Variants in XRCC1 observed in about 807,000 individuals in gnomAD.
XRCC1 encodes the protein DNA repair protein XRCC1.
Under a neutral mutation model 83.3 loss-of-function variants are expected in XRCC1, and 52 were observed. The observed-to-expected ratio is 0.62, with a 90% confidence interval of 0.50 to 0.79. The LOEUF (loss-of-function observed/expected upper bound fraction) is 0.79. XRCC1 is among the 30% of genes least tolerant of loss of function. The probability of loss-of-function intolerance (pLI) is 0.00; values close to 1 mark genes in which losing one functional copy is unlikely to be tolerated. For synonymous variants in XRCC1, 281 were observed against 312.6 expected (o/e 0.90, Z 1.07); for missense variants, 793 against 823.5 (o/e 0.96, Z 0.45).
chr19:43,574,775 T>G, intron 2 of XRCC1, 135 bp downstream of exon 2: 1 of 693,402 alleles, frequency 1.4e-6, no homozygotes, highest in Admixed American at 2.2e-5. Context: ...GGGATTATGC[T>G]GCCCATTTTC....
Position 43,552,245 on chromosome 19 carries a change from G to T in XRCC1, c.854C>A (p.Ala285Asp). The change falls in exon 9 of 17, where the codon GCC (alanine) becomes GAC (aspartate). Residue 285 changes from alanine (A) to aspartate (D), a missense_variant. Physicochemically the swap from Ala to Asp is moderately radical, Grantham distance 126. Coordinates refer to ENST00000262887, the MANE Select transcript of XRCC1 (RefSeq NM_006297.3). ...LPAPTRTPATAPVPARAQGAV... is the reference protein window; with the variant it reads ...LPAPTRTPATDPVPARAQGAV... ...CCCCTGTGCTCGGGCAGGGACTGGG[G>T]CTGTGGCTGGGGTACGAGTTGGAGC... is the stretch of plus-strand genomic sequence containing the variant. 6.2e-7 allele frequency: 1 copy of T among 1,611,460 alleles called. No individual in the cohort carries two copies. The highest frequency in any genetic ancestry group is 8.5e-7 in the Non-Finnish European group (1 of 1,179,164).
intron 2 of XRCC1, among the ~76,000 whole-genome samples, chr19:43,568,944 C>A (rs867949232): frequency 5.3e-5 from 8 of 150,986 alleles, no homozygotes; most frequent in African/African-American, 1.5e-4. Flanking sequence ...TCCCTGTAAT[C>A]CCAGCTACTC....
At chr19:43,569,768 C>T (rs552702376) in intron 2 of XRCC1, among the ~76,000 whole-genome samples, 2 of 151,660 alleles carry the variant, frequency 1.3e-5, no homozygotes, top group South Asian at 2.1e-4. Context: ...AACAACAAGA[C>T]GAAACTCCGT....
In XRCC1 at chr19:43,543,359, TG is replaced by T. The variant is rs2146039467; in HGVS notation, c.*32del. ...AATGCATCGTGTGTGTGTGTGTGTG[TG>T]TGTGTGTGTGTGTGTGTGTATAGCA... On this transcript the variant is annotated 3_prime_UTR_variant, in exon 17 of 17. Coordinates refer to ENST00000262887, the MANE Select transcript of XRCC1 (RefSeq NM_006297.3). 1.5e-6 allele frequency: 2 copies of T among 1,366,500 alleles called. No individual in the cohort carries two copies. The highest frequency in any genetic ancestry group is 1.2e-5 in the South Asian group (1 of 85,552). The allele number at this position is 1,366,500 out of a possible 1,614,324, so 84.6% of individuals were successfully genotyped here.
At chr19:43,548,779 A>AAAAAAACAAAAAAAAAC (rs1972546438) in intron 10 of XRCC1, among the ~76,000 whole-genome samples, 1 of 141,638 alleles carries the variant, frequency 7.1e-6, no homozygotes. Context: ...AAAAAAAAAA[A>AAAAAAACAAAAAAAAAC]AAAAAAACAC....
chr19:43,546,219 C>A, intron 12 of XRCC1, 113 bp from the exon 13 acceptor site: 1 of 1,233,830 alleles, frequency 8.1e-7, no homozygotes, highest in African/African-American at 1.5e-5. Context: ...CAACTGCCCT[C>A]CAGATCCAGT....
chr19:43,571,087 G>C (rs1186114121), intron 2 of XRCC1, among the ~76,000 whole-genome samples: 1 of 150,252 alleles, frequency 6.7e-6, no homozygotes, highest in African/African-American at 2.5e-5. Flanking sequence ...CCTCTGCTCG[G>C]AGCCCTCCGG....
chr19:43,570,059 C>T (rs1472249323), intron 2 of XRCC1, among the ~76,000 whole-genome samples: 1 of 152,196 alleles, frequency 6.6e-6, no homozygotes, highest in Non-Finnish European at 1.5e-5. Flanking sequence ...CTGCAGTTTG[C>T]AAAGAGTCAC....
At position 43,566,893 on chromosome 19, in the gene XRCC1, A is replaced by AG. The variant is rs1250143979; in HGVS notation, c.145-5874_145-5873insC. Among the ~76,000 whole-genome samples the AG allele has an allele frequency of 4.0e-5, 6 of 151,890 alleles. No homozygotes were observed. The East Asian group carries it at 1.2e-3, about 29-fold the overall frequency. On this transcript the variant is annotated intron_variant, in intron 2 of 16. Transcript: ENST00000262887. ...GACTCAATCTCAAAAAAAAAAAAAA[A>AG]AAAAGGTTTATATATACATGGTAAC...
At chr19:43,569,571 T>A (rs1253689223) in intron 2 of XRCC1, among the ~76,000 whole-genome samples, 4 of 149,914 alleles carry the variant, frequency 2.7e-5, no homozygotes, top group African/African-American at 9.8e-5. Flanking sequence ...TCACTAGAGG[T>A]CAGGAGTTCG....
Position 43,548,779 on chromosome 19 carries a change from A to AAAAAAAAAAAAAAAAAAAAAAAAC in XRCC1, c.1200-1803_1200-1802insGTTTTTTTTTTTTTTTTTTTTTTT, listed in dbSNP as rs1213062759. Among the ~76,000 whole-genome samples the AAAAAAAAAAAAAAAAAAAAAAAAC allele has an allele frequency of 8.6e-4, 122 of 141,616 alleles. 2 individuals are homozygous for AAAAAAAAAAAAAAAAAAAAAAAAC. The highest frequency in any genetic ancestry group is 2.2e-3 in the East Asian group (10 of 4,564). The allele number at this position is 141,616 out of a possible 152,430, so 92.9% of individuals were successfully genotyped here. On this transcript the variant is annotated intron_variant, in intron 10 of 16. Transcript: ENST00000262887. ...CCCAAGAATGATCAAAAAAAAAAAA[A>AAAAAAAAAAAAAAAAAAAAAAAAC]AAAAAAACACAACAGTAGCAGGTTG...
chr19:43,560,705 A>C (rs570155962), intron 3 of XRCC1, among the ~76,000 whole-genome samples: 1 of 152,236 alleles, frequency 6.6e-6, no homozygotes, highest in East Asian at 1.9e-4. Context: ...CCATGATCCA[A>C]ACTTGCTCTC....
intron 3 of XRCC1, 142 bp downstream of exon 3, chr19:43,560,768 A>G (rs1972689951): frequency 1.4e-6 from 1 of 696,976 alleles, no homozygotes; most frequent in African/African-American, 1.7e-5. Context: ...TCCTCCGTAC[A>G]CTGGGTGATC....
At chr19:43,545,727 C>A in intron 14 of XRCC1, 91 bp downstream of exon 14, 1 of 1,532,320 alleles carries the variant, frequency 6.5e-7, no homozygotes, top group Non-Finnish European at 8.9e-7. Flanking sequence ...GACACGGGGG[C>A]AGCAGTGACC....
chr19:43,546,729 T>C lies in XRCC1; in HGVS notation c.1294-2A>G, dbSNP rs1972514664. ...GGGCTTGGTTTTGGTCTGGGGTTGC[T>C]AAGGAGGGAGAGTGGGTGGGTGAGG... On this transcript the variant is annotated splice_acceptor_variant, in intron 11 of 16. Transcript: ENST00000262887. LOFTEE classifies it high-confidence loss of function. The C allele has an allele frequency of 3.1e-6, 5 of 1,606,360 alleles. No homozygotes were observed. In the South Asian group the frequency reaches 5.5e-5, roughly 18 times the overall value.
chr19:43,567,931 G>A (rs944782525), intron 2 of XRCC1, among the ~76,000 whole-genome samples: 3 of 148,448 alleles, frequency 2.0e-5, no homozygotes, highest in African/African-American at 5.0e-5. Context: ...CTAGAGTACA[G>A]TGGCACGATC....
In XRCC1 at chr19:43,551,593, G is replaced by T. The variant is rs375801765; in HGVS notation, c.1177C>A (p.Arg393Ser). ...TACCTCTGGGAGGGCAGCCGCCGACGCATGCGGTGACAGTCCAGCACCCAC... is the reference window on the plus strand; with the variant it reads ...TACCTCTGGGAGGGCAGCCGCCGACTCATGCGGTGACAGTCCAGCACCCAC... Reference protein sequence around the residue: ...KEWVLDCHRMRRRLPSQRYLM... With the variant: ...KEWVLDCHRMSRRLPSQRYLM... The change falls in exon 10 of 17, where the codon CGT becomes AGT. Residue 393 changes from arginine to serine, a missense_variant. Physicochemically the swap from Arg to Ser is moderately radical, Grantham distance 110. Transcript: ENST00000262887. 1 of 1,614,144 alleles carries T rather than the reference G, an allele frequency of 6.2e-7. No individual in the cohort carries two copies. Among genetic ancestry groups the T allele is most frequent in the East Asian group, 2.2e-5 (1 of 44,870 alleles).
intron 3 of XRCC1, among the ~76,000 whole-genome samples, chr19:43,559,975 G>T (rs1251804615): frequency 6.6e-6 from 1 of 152,042 alleles, no homozygotes; most frequent in South Asian, 2.1e-4. Flanking sequence ...TGGCTACTTG[G>T]GAGGCTGAGG....
chr19:43,556,529 C>A (rs1164173507), intron 3 of XRCC1, among the ~76,000 whole-genome samples: 1 of 152,158 alleles, frequency 6.6e-6, no homozygotes, highest in South Asian at 2.1e-4. Context: ...TGAGGCCAGG[C>A]GCGGTGGCTC....
Sources: allele counts gnomAD v4.1 joint callset (sites outside exome capture counted in the v4.1 genomes callset), GRCh38; gene constraint gnomAD v4.1.1; transcripts MANE v1.5; gene names NCBI Gene and HGNC (gene_info 2026-07-23, HGNC 2026-07-21).